The following CLCNKA variants were observed in gnomAD, a reference collection of about 807,000 sequenced individuals.
The protein encoded by CLCNKA is chloride voltage-gated channel Ka, also known as chloride channel protein ClC-Ka.
A neutral mutation model predicts 83.3 loss-of-function variants in CLCNKA; 66 were observed. The observed-to-expected ratio is 0.79, with a 90% CI of 0.65 to 0.97. CLCNKA has a LOEUF of 0.97. Among genes scored for constraint, CLCNKA ranks in the 50% least tolerant of loss-of-function variants. CLCNKA has a pLI of 0.00. For synonymous variants in CLCNKA, 357 were observed against 370.4 expected, an observed-to-expected ratio of 0.96 and a Z score of 0.42; for missense variants, 806 against 888.7, an observed-to-expected ratio of 0.91 and a Z score of 1.18.
chr1:16,023,758 C>G (rs781072864), intron 2 of CLCNKA, 42 bp from the exon 3 acceptor site: 2 of 1,612,460 alleles, frequency 1.2e-6, no homozygotes, highest in South Asian at 2.2e-5. Flanking sequence ...TGTCTGTGCC[C>G]CTTGCCCCAA....
At chr1:16,032,651 C>T in intron 18 of CLCNKA, 125 bp downstream of exon 18, 1 of 778,184 alleles carries the variant, frequency 1.3e-6, no homozygotes, top group Non-Finnish European at 2.3e-6. Context: ...TCCTGCTCCT[C>T]CTGGGCCTGG....
intron 8 of CLCNKA, 96 bp downstream of exon 8, chr1:16,027,531 C>T (rs1352476379): frequency 1.3e-6 from 2 of 1,553,648 alleles, no homozygotes; most frequent in Non-Finnish European, 1.7e-6. Context: ...CTCTTCCCTT[C>T]CCTCTCTCTC....
At chr1:16,028,503 C>T in intron 10 of CLCNKA, 1 of 651,674 alleles carries the variant, frequency 1.5e-6, no homozygotes, top group South Asian at 1.7e-5. Context: ...CCTAGCCTGC[C>T]TCTGCCCCAA....
Position 16,024,796 on chromosome 1 carries a change from G to T in CLCNKA, c.263G>T (p.Ser88Ile), listed in dbSNP as rs937196157. Residue 88 changes from serine (S) to isoleucine (I), a missense_variant, in exon 4 of 20, where the codon AGC (serine) becomes ATC (isoleucine). Transcript: ENST00000331433. ...HQWLYREIGD[S>I]HLLRYLSWTV... ...TGGCTGTACAGGGAGATTGGGGACAGCCACCTGCTCCGGTATCTTTCCTGG... is the reference window on the plus strand; with the variant it reads ...TGGCTGTACAGGGAGATTGGGGACATCCACCTGCTCCGGTATCTTTCCTGG... 6.2e-7 allele frequency: 1 copy of T among 1,614,140 alleles called. No homozygotes were observed. The highest frequency in any genetic ancestry group is 8.5e-7 in the Non-Finnish European group (1 of 1,180,026).
At chr1:16,023,676 C>T (rs2022228660) in intron 2 of CLCNKA, 124 bp from the exon 3 acceptor site, 1 of 1,194,046 alleles carries the variant, frequency 8.4e-7, no homozygotes, top group Non-Finnish European at 1.2e-6. Context: ...GCGGGGCCCC[C>T]TCAGGACTAC....
chr1:16,028,981 C>A, intron 11 of CLCNKA, 136 bp downstream of exon 11: 1 of 1,501,038 alleles, frequency 6.7e-7, no homozygotes, highest in East Asian at 2.3e-5. Flanking sequence ...GAGACCATGG[C>A]TCTGGGAGGT....
chr1:16,024,736 G>A (rs1291734431), intron 3 of CLCNKA, 27 bp from the exon 4 acceptor site: 5 of 1,613,280 alleles, frequency 3.1e-6, no homozygotes, highest in African/African-American at 2.7e-5. Flanking sequence ...GGCTGTGGGT[G>A]CCTCCCTGAT....
chr1:16,033,322 A>G, intron 19 of CLCNKA, 66 bp downstream of exon 19: 1 of 1,512,382 alleles, frequency 6.6e-7, no homozygotes. Context: ...GGAGATGGGG[A>G]GGTGGGGGGA....
chr1:16,030,446 G>A lies in CLCNKA; in HGVS notation c.1409-15G>A, dbSNP rs1261254522. On this transcript the variant is annotated splice_polypyrimidine_tract_variant and intron_variant, in intron 14 of 19. Coordinates refer to ENST00000331433, the MANE Select transcript of CLCNKA (RefSeq NM_004070.4). ...CTCCTGGCCTGAGCCGACCTGTGTG[G>A]CTCTGCCCCGGCAGGGGCTGCAGCC... 3.7e-6 allele frequency: 6 copies of A among 1,612,036 alleles called. No individual in the cohort carries two copies. In the Admixed American group the frequency reaches 5.0e-5, roughly 13 times the overall value.
chr1:16,029,470 C>T (rs2022522880), intron 12 of CLCNKA, among the ~76,000 whole-genome samples, 171 bp downstream of exon 12: 1 of 152,178 alleles, frequency 6.6e-6, no homozygotes, highest in Non-Finnish European at 1.5e-5. Context: ...GGTCTCTGGA[C>T]CTCAGTCTTC....
intron 7 of CLCNKA, 26 bp downstream of exon 7, chr1:16,026,801 C>G: frequency 6.2e-7 from 1 of 1,613,296 alleles, no homozygotes; most frequent in Non-Finnish European, 8.5e-7. Context: ...TGCCCCGCCC[C>G]CTGGGTCCCT....
chr1:16,025,295 C>A (rs545794039), intron 4 of CLCNKA, among the ~76,000 whole-genome samples: 2 of 152,202 alleles, frequency 1.3e-5, no homozygotes, highest in African/African-American at 4.8e-5. Flanking sequence ...GTGGGAGGAA[C>A]GTGGACAACT....
intron 18 of CLCNKA, 93 bp from the exon 19 acceptor site, chr1:16,033,077 C>T (rs2022699127): frequency 7.5e-6 from 10 of 1,331,054 alleles, no homozygotes; most frequent in Admixed American, 1.7e-5. Flanking sequence ...CAGGCCCCGC[C>T]CCTCTTCCTG....
At position 16,026,760 on chromosome 1, in the gene CLCNKA, G is replaced by T. The variant is rs1362899355; in HGVS notation, c.640G>T (p.Ala214Ser). ...GGCAGTGGGCGTGGCCACAGTCTTT[G>T]CAGCTCCCTTCAGCGGTGAGACCCC... ...AAAVGVATVFAAPFSGVLFSI... is the reference protein window; with the variant it reads ...AAAVGVATVFSAPFSGVLFSI... Residue 214 changes from alanine to serine, a missense_variant, in exon 7 of 20, where the codon GCA (alanine) becomes TCA (serine). By Grantham distance (99) the Ala-to-Ser change is moderately conservative. Transcript: ENST00000331433. 1.2e-6 allele frequency: 2 copies of T among 1,613,604 alleles called. No individual in the cohort carries two copies. The highest frequency in any genetic ancestry group is 1.7e-6 in the Non-Finnish European group (2 of 1,179,838).
rs1316640007 is a variant in CLCNKA, at chr1:16,031,690, G to A, written c.1623-20G>A. ...GACATCCCCGACTCCGGGACCTGAT[G>A]GGAGCCCCTCTGCCTGCAGCTCCCA... On this transcript the variant is annotated intron_variant, in intron 15 of 19. Transcript: ENST00000331433. 2 of 1,613,358 alleles carry A rather than the reference G, an allele frequency of 1.2e-6. No individual in the cohort carries two copies.
rs760523300 is a variant in CLCNKA at position 16,029,997 on chromosome 1, C to G, written c.1330C>G (p.Leu444Val). The change falls in exon 14 of 20, where the codon CTT (leucine) becomes GTT (valine). Residue 444 changes from leucine to valine, a missense_variant. Coordinates refer to ENST00000331433, the MANE Select transcript of CLCNKA (RefSeq NM_004070.4). ...AAIGRLLGEA[L>V]AVAFPEGIVT... ...CATCGGGCGCCTCTTGGGAGAGGCT[C>G]TTGCCGTCGCCTTCCCTGAGGGCAT... 2 of 1,611,300 alleles carry G rather than the reference C, an allele frequency of 1.2e-6. No homozygotes were observed. The highest frequency in any genetic ancestry group is 2.7e-5 in the African/African-American group (2 of 74,896).
chr1:16,032,360 G>C (rs1185585446), intron 17 of CLCNKA, 69 bp downstream of exon 17: 1 of 1,542,206 alleles, frequency 6.5e-7, no homozygotes, highest in African/African-American at 1.4e-5. Context: ...GGAGGGACCC[G>C]CTGATCTCCT....
intron 15 of CLCNKA, among the ~76,000 whole-genome samples, chr1:16,031,259 A>G (rs2022613711): frequency 6.6e-6 from 1 of 152,214 alleles, no homozygotes; most frequent in South Asian, 2.1e-4. Flanking sequence ...GGCTGTTTAT[A>G]CCAGTGATTT....
In CLCNKA at chr1:16,027,822, G is replaced by A. The variant is rs1206732685; in HGVS notation, c.783G>A (p.Glu261=). 1 of 1,609,750 alleles carries A rather than the reference G, an allele frequency of 6.2e-7. No homozygotes were observed. Among genetic ancestry groups the A allele is most frequent in the Admixed American group, 1.7e-5 (1 of 59,672 alleles). ...CTCCCCACTGCCCTCCTTCCCCAGAGACCATCACCTCCCTCTACAAGACCA... is the reference window on the plus strand; with the variant it reads ...CTCCCCACTGCCCTCCTTCCCCAGAAACCATCACCTCCCTCTACAAGACCA... ...RLLAVFNSEQ[E]TITSLYKTSF... is the part of the protein sequence containing the mutation. The change falls in exon 9 of 20, where the codon GAG becomes GAA. Residue 261 remains glutamate, a splice_region_variant and synonymous_variant. Transcript: ENST00000331433.
Sources: gnomAD v4.1 joint callset for allele counts (sites outside exome capture counted in the v4.1 genomes callset) on GRCh38, gnomAD v4.1.1 for gene constraint, MANE v1.5 for transcripts, NCBI Gene and HGNC (gene_info 2026-07-23, HGNC 2026-07-21) for gene names.